The following SGCG variants were observed in gnomAD, a reference collection of about 807,000 sequenced individuals.
The protein encoded by SGCG is sarcoglycan gamma.
A neutral mutation model predicts 29.3 loss-of-function variants in SGCG; 26 were observed. That is an observed-to-expected ratio of 0.89 (90% CI 0.65 to 1.23). SGCG has a LOEUF of 1.23. Among genes scored for constraint, SGCG ranks in the 50% most tolerant of loss-of-function variants. The pLI is 0.00. For synonymous variants in SGCG, 145 were observed against 129.7 expected, an observed-to-expected ratio of 1.12 and a Z score of -0.80; for missense variants, 353 against 356.0, an observed-to-expected ratio of 0.99 and a Z score of 0.07.
intron 4 of SGCG, among the ~76,000 whole-genome samples, chr13:23,269,724 T>C (rs1489309854): frequency 6.6e-6 from 1 of 152,150 alleles, no homozygotes; most frequent in East Asian, 1.9e-4. Context: ...CATAGTACCC[T>C]ATTATGTGGA....
Position 23,272,962 on chromosome 13 carries a change from T to C in SGCG, c.386-6397T>C, listed in dbSNP as rs959228389. ...TCAATGGTTACTTTTCACTTGTCAT[T>C]CCATGTGTTGTGTATTTGTGTTTTC... On this transcript the variant is annotated intron_variant, in intron 4 of 7. Transcript: ENST00000218867. Among the ~76,000 whole-genome samples the C allele has an allele frequency of 2.0e-5, 3 of 152,202 alleles. No homozygotes were observed. The South Asian group carries it at 6.2e-4, about 31-fold the overall frequency.
At chr13:23,175,137 G>T in the SGCG span, among the ~76,000 whole-genome samples, 1 of 152,202 alleles carries the variant, frequency 6.6e-6, no homozygotes, top group East Asian at 1.9e-4. Flanking sequence ...TAGGAGAAAG[G>T]AGGAAAGTGC....
chr13:23,245,886 TGAAGAGAAGC>T (rs1400284679), intron 3 of SGCG: 4 of 152,314 alleles, frequency 2.6e-5, no homozygotes, highest in African/African-American at 9.7e-5. Context: ...TCGTATTCTC[TGAAGAGAAGC>T]CATTCTCACT....
rs115427261 is a variant in SGCG at position 23,215,962 on chromosome 13, C to A, written c.195+12073C>A. 9.7e-3 allele frequency among the ~76,000 whole-genome samples: 1,467 copies of A among 151,646 alleles called. 26 individuals are homozygous for A. The highest frequency in any genetic ancestry group is 0.033 in the African/African-American group (1,366 of 41,478). ...CACAAAATGTGAAATAACAGAATTT[C>A]AAAGATGACAGTACTCAGAAAACGA... On this transcript the variant is annotated intron_variant, in intron 2 of 7. Coordinates refer to ENST00000218867, the MANE Select transcript of SGCG (RefSeq NM_000231.3).
chr13:23,263,594 A>G (rs1348586662), intron 4 of SGCG, among the ~76,000 whole-genome samples: 1 of 152,102 alleles, frequency 6.6e-6, no homozygotes, highest in Non-Finnish European at 1.5e-5. Flanking sequence ...CGAACCCAGT[A>G]TTACCCTGAT....
chr13:23,275,836 G>A (rs934366647), intron 4 of SGCG, among the ~76,000 whole-genome samples: 6 of 152,006 alleles, frequency 3.9e-5, no homozygotes, highest in Non-Finnish European at 8.8e-5. Flanking sequence ...CAGAATATAC[G>A]TTTCCTTTTT....
chr13:23,297,518 T>C (rs1228007342), intron 6 of SGCG, among the ~76,000 whole-genome samples: 2 of 152,142 alleles, frequency 1.3e-5, no homozygotes, highest in Non-Finnish European at 2.9e-5. Flanking sequence ...AATAAAGGGA[T>C]GGTTGGGCTA....
At chr13:23,175,602 C>A in the SGCG span, among the ~76,000 whole-genome samples, 46,930 of 151,844 alleles carry the variant, frequency 0.31, 7,506 homozygotes, top group Non-Finnish European at 0.36. Context: ...CCCCTGAAAT[C>A]TGAGTTTTCT....
At chr13:23,244,568 C>G (rs930192838) in intron 3 of SGCG, 1 of 152,128 alleles carries the variant, frequency 6.6e-6, no homozygotes, top group Non-Finnish European at 1.5e-5. Flanking sequence ...AGATCTTTAC[C>G]TTGTGAACTG....
the SGCG span, among the ~76,000 whole-genome samples, chr13:23,163,542 G>A: frequency 6.6e-6 from 1 of 152,134 alleles, no homozygotes; most frequent in Admixed American, 6.5e-5. Flanking sequence ...ATCCCAGCAT[G>A]GATGTGGGCT....
chr13:23,251,088 C>T (rs1413722777), intron 4 of SGCG, among the ~76,000 whole-genome samples: 1 of 152,166 alleles, frequency 6.6e-6, no homozygotes, highest in Non-Finnish European at 1.5e-5. Flanking sequence ...CATTCAGTTC[C>T]CTCCCCGTTC....
intron 4 of SGCG, among the ~76,000 whole-genome samples, chr13:23,277,666 A>G (rs1194982100): frequency 2.6e-5 from 4 of 151,786 alleles, no homozygotes; most frequent in Admixed American, 1.3e-4. Context: ...CACAAAAAAA[A>G]TTATAACATA....
chr13:23,226,450 G>A (rs1256516505), intron 2 of SGCG, among the ~76,000 whole-genome samples: 1 of 148,880 alleles, frequency 6.7e-6, no homozygotes, highest in Non-Finnish European at 1.5e-5. Flanking sequence ...ACTGATGAAA[G>A]ACATCTTAAA....
At chr13:23,222,795 T>C (rs1158816701) in intron 2 of SGCG, among the ~76,000 whole-genome samples, 1 of 152,168 alleles carries the variant, frequency 6.6e-6, no homozygotes, top group Non-Finnish European at 1.5e-5. Context: ...GCCACTGCAC[T>C]CCAGCCTGGG....
chr13:23,296,550 A>G (rs1021033335), intron 6 of SGCG, among the ~76,000 whole-genome samples: 18 of 151,868 alleles, frequency 1.2e-4, no homozygotes, highest in African/African-American at 4.4e-4. Flanking sequence ...TATCTCGCAA[A>G]ACTGAAACCC....
At chr13:23,194,911 C>A (rs564431356) in intron 1 of SGCG, among the ~76,000 whole-genome samples, 1 of 152,286 alleles carries the variant, frequency 6.6e-6, no homozygotes, top group Admixed American at 6.5e-5. Context: ...AGTAGGTGCC[C>A]ACTGTAATAG....
intron 4 of SGCG, among the ~76,000 whole-genome samples, chr13:23,276,455 CAG>C (rs1485956757): frequency 3.8e-5 from 1 of 26,260 alleles, no homozygotes; most frequent in African/African-American, 7.5e-5. Context: ...TTTTTTGAGA[CAG>C]AGTCTCGCTC....
upstream of SGCG, among the ~76,000 whole-genome samples, chr13:23,177,299 T>C (rs904515458): frequency 1.2e-4 from 18 of 152,108 alleles, no homozygotes; most frequent in African/African-American, 4.3e-4. Context: ...TGTTGCATAG[T>C]AGGGTGACTA....
At chr13:23,190,060 AAAAT>A (rs1442150297) in intron 1 of SGCG, among the ~76,000 whole-genome samples, 17 of 128,028 alleles carry the variant, frequency 1.3e-4, no homozygotes, top group African/African-American at 2.3e-4. Flanking sequence ...ATAAAAATAT[AAAAT>A]AAACGTTTAA....
Sources: gnomAD v4.1 joint callset for allele counts (sites outside exome capture counted in the v4.1 genomes callset) on GRCh38, gnomAD v4.1.1 for gene constraint, MANE v1.5 for transcripts, NCBI Gene and HGNC (gene_info 2026-07-23, HGNC 2026-07-21) for gene names.